HLA-DPB1: variants seen among roughly 807,000 people sequenced by gnomAD.
HLA-DPB1 encodes major histocompatibility complex, class II, DP beta 1, also known as HLA class II histocompatibility antigen, DP beta 1 chain.
A neutral mutation model predicts 29.4 loss-of-function variants in HLA-DPB1; 30 were observed. The observed-to-expected ratio is 1.02, with a 90% CI of 0.76 to 1.38. HLA-DPB1 has a LOEUF of 1.38. HLA-DPB1 is among the 40% of genes most tolerant of loss of function. HLA-DPB1 has a pLI of 0.00. For missense variants in HLA-DPB1, 261 were observed against 327.5 expected (o/e 0.80, Z 1.57); for synonymous variants, 114 against 134.0 (o/e 0.85, Z 1.03).
chr6:33,084,932 T>TTTC lies in HLA-DPB1; in HGVS notation c.365-14_365-12dup. ...CAATCTCAAATTCTATTTCATTATTTTTCTTCCACGCTCCTAGTCCAGCCT... is the reference window on the plus strand; with the variant it reads ...CAATCTCAAATTCTATTTCATTATTTTTCTTCTTCCACGCTCCTAGTCCAGCCT... On this transcript the variant is annotated splice_polypyrimidine_tract_variant and intron_variant, in intron 2 of 5. Coordinates refer to ENST00000418931, the MANE Select transcript of HLA-DPB1 (RefSeq NM_002121.6). 6.8e-7 allele frequency: 1 copy of TTTC among 1,464,004 alleles called. No individual in the cohort carries two copies. Among genetic ancestry groups the TTTC allele is most frequent in the Non-Finnish European group, 9.3e-7 (1 of 1,070,740 alleles). The allele number at this position is 1,464,004 out of a possible 1,614,324, so 90.7% of individuals were successfully genotyped here.
intron 2 of HLA-DPB1, among the ~76,000 whole-genome samples, chr6:33,082,798 A>T (rs780234312): frequency 6.6e-6 from 1 of 152,194 alleles, no homozygotes; most frequent in Non-Finnish European, 1.5e-5. Flanking sequence ...GCATTAGAGA[A>T]GGCAACTAGA....
intron 1 of HLA-DPB1, among the ~76,000 whole-genome samples, chr6:33,077,431 T>C (rs2213308): frequency 0.58 from 88,057 of 151,752 alleles, 27,647 homozygotes; most frequent in East Asian, 0.88. Flanking sequence ...TGGGTATATA[T>C]CCAGTAATGG....
chr6:33,087,420 C>T lies in HLA-DPB1; in HGVS notation c.*886C>T, dbSNP rs72500564. ...TTCAAACACTGGTCTTTTTTTTTTT[C>T]TTAACAATCCAACATTGTTATGTGT... On this transcript the variant is annotated 3_prime_UTR_variant, in exon 6 of 6. Transcript: ENST00000418931. 0.25 allele frequency among the ~76,000 whole-genome samples: 27,126 copies of T among 106,548 alleles called. 4,146 individuals carry two copies. Among genetic ancestry groups the T allele is most frequent in the African/African-American group, 0.49 (17,005 of 34,442 alleles). The allele number at this position is 106,548 out of a possible 152,430, so 69.9% of individuals were successfully genotyped here.
intron 5 of HLA-DPB1, 51 bp downstream of exon 5, chr6:33,086,293 A>G (rs1763098286): frequency 4.4e-6 from 6 of 1,370,470 alleles, no homozygotes; most frequent in Non-Finnish European, 6.2e-6. Flanking sequence ...GGAGGATATG[A>G]GTCCTTTCTG....
At position 33,080,272 on chromosome 6, in the gene HLA-DPB1, T is replaced by C. The variant is rs1762764778; in HGVS notation, c.101-400T>C. ...ACTGACATCAGGATGGAAATGTCAGTCAGGGAGTTAAGTAGGGGGAGCAGC... is the reference window on the plus strand; with the variant it reads ...ACTGACATCAGGATGGAAATGTCAGCCAGGGAGTTAAGTAGGGGGAGCAGC... On this transcript the variant is annotated intron_variant, in intron 1 of 5. Transcript: ENST00000418931. This position sits in a 1 kb window ranked among gnomAD's most constrained non-coding sequence, Gnocchi z 4.3. The C allele has an allele frequency of 5.3e-6, 2 of 374,844 alleles. No individual in the cohort carries two copies. Among genetic ancestry groups the C allele is most frequent in the African/African-American group, 4.2e-5 (2 of 47,234 alleles). 23.2% of individuals were successfully genotyped at this position (374,844 alleles called of 1,614,324 possible).
At position 33,080,799 on chromosome 6, in the gene HLA-DPB1, G is replaced by A. The variant is rs553686794; in HGVS notation, c.228G>A (p.Ala76=). 1.2e-6 allele frequency: 2 copies of A among 1,613,618 alleles called. No homozygotes were observed. The highest frequency in any genetic ancestry group is 1.7e-5 in the Admixed American group (1 of 59,982). ...RFDSDVGEFR[A]VTELGRPAAE... ...ACAGCGACGTGGGGGAGTTCCGGGC[G>A]GTGACGGAGCTGGGGCGGCCTGCTG... The change falls in exon 2 of 6, where the codon GCG becomes GCA. Residue 76 remains alanine, a synonymous_variant. Coordinates refer to ENST00000418931, the MANE Select transcript of HLA-DPB1 (RefSeq NM_002121.6). The surrounding 1 kb of genome is among the most constrained non-coding windows in gnomAD (Gnocchi z 4.3).
chr6:33,078,947 G>A (rs1398518139), intron 1 of HLA-DPB1, among the ~76,000 whole-genome samples: 3 of 152,142 alleles, frequency 2.0e-5, no homozygotes, highest in African/African-American at 4.8e-5. Flanking sequence ...GAGCTGGGGG[G>A]CTCTGGGCCT....
At chr6:33,078,975 G>C (rs3097670) in intron 1 of HLA-DPB1, among the ~76,000 whole-genome samples, 12,075 of 152,112 alleles carry the variant, frequency 0.079, 639 homozygotes, top group Non-Finnish European at 0.11. Flanking sequence ...TAGGGTCTGG[G>C]GCCCAAGGCA....
rs35824566 is a variant in HLA-DPB1, at chr6:33,089,304, C to G, written c.*2770C>G. On this transcript the variant is annotated 3_prime_UTR_variant, in exon 6 of 6. Transcript: ENST00000418931. ...TTGTCTCTCAGCTTCTCTGAAGTCT[C>G]ATTGAGCACCTTCTCTTCAATTTCT... 5.9e-3 allele frequency among the ~76,000 whole-genome samples: 898 copies of G among 152,314 alleles called. 2 individuals are homozygous for G. Among genetic ancestry groups the G allele is most frequent in the Non-Finnish European group, 7.0e-3 (479 of 68,034 alleles).
intron 2 of HLA-DPB1, among the ~76,000 whole-genome samples, chr6:33,083,352 C>T (rs1286220406): frequency 6.6e-6 from 1 of 152,206 alleles, no homozygotes; most frequent in Non-Finnish European, 1.5e-5. Flanking sequence ...TGAGACATTC[C>T]TCTTGATGAG....
At position 33,085,856 on chromosome 6, in the gene HLA-DPB1, G is replaced by A. The variant is rs1300434208; in HGVS notation, c.724G>A (p.Val242Met). 2.5e-6 allele frequency: 4 copies of A among 1,613,874 alleles called. No homozygotes were observed. In the South Asian group the frequency reaches 3.3e-5, roughly 13 times the overall value. ...CGTGCTGGGGCTCATCATCTGTGGA[G>A]TGGGCATCTTCATGCACAGGAGGAG... ...GFVLGLIICGVGIFMHRRSKK... is the reference protein window; with the variant it reads ...GFVLGLIICGMGIFMHRRSKK... Residue 242 changes from valine to methionine, a missense_variant, in exon 4 of 6, where the codon GTG (valine) becomes ATG (methionine). Val to Met is a conservative substitution (Grantham distance 21). Coordinates refer to ENST00000418931, the MANE Select transcript of HLA-DPB1 (RefSeq NM_002121.6).
intron 1 of HLA-DPB1, among the ~76,000 whole-genome samples, chr6:33,078,025 C>T (rs1359077830): frequency 1.3e-5 from 2 of 152,024 alleles, no homozygotes; most frequent in African/African-American, 4.8e-5. Context: ...GCACTGGTGA[C>T]ACTGAACAGT....
Position 33,085,188 on chromosome 6 carries a change from A to G in HLA-DPB1, c.603A>G (p.Gln201=), listed in dbSNP as rs1763042837. 6.2e-7 allele frequency: 1 copy of G among 1,612,452 alleles called. No homozygotes were observed. Among genetic ancestry groups the G allele is most frequent in the South Asian group, 1.1e-5 (1 of 91,050 alleles). Residue 201 remains glutamine, a synonymous_variant, in exon 3 of 6, where the codon CAA becomes CAG. Coordinates refer to ENST00000418931, the MANE Select transcript of HLA-DPB1 (RefSeq NM_002121.6). ...TPQQGDVYTC[Q]VEHTSLDSPV... Reference sequence around the variant, plus strand: ...AGCAGGGAGATGTCTACACCTGCCAAGTGGAGCACACCAGCCTGGATAGTC... The same window carrying G: ...AGCAGGGAGATGTCTACACCTGCCAGGTGGAGCACACCAGCCTGGATAGTC...
chr6:33,082,560 A>T (rs1762919896), intron 2 of HLA-DPB1, among the ~76,000 whole-genome samples: 1 of 152,182 alleles, frequency 6.6e-6, no homozygotes, highest in African/African-American at 2.4e-5. Flanking sequence ...AAGGTTGGAG[A>T]TGTGTCTTCA....
At chr6:33,083,289 T>C (rs571599445) in intron 2 of HLA-DPB1, among the ~76,000 whole-genome samples, 4 of 152,180 alleles carry the variant, frequency 2.6e-5, no homozygotes, top group Non-Finnish European at 4.4e-5. Flanking sequence ...ATTTGTGTTC[T>C]CCAGGAAGTA....
intron 2 of HLA-DPB1, among the ~76,000 whole-genome samples, chr6:33,083,265 C>T (rs751453734): frequency 2.0e-5 from 3 of 152,104 alleles, no homozygotes; most frequent in Non-Finnish European, 4.4e-5. Context: ...CCTGGCCCAG[C>T]GCCATGTTAG....
At position 33,088,707 on chromosome 6, in the gene HLA-DPB1, C is replaced by T. The variant is rs1376477676; in HGVS notation, c.*2173C>T. Among the ~76,000 whole-genome samples the T allele has an allele frequency of 2.0e-5, 3 of 152,066 alleles. No individual in the cohort carries two copies. Among genetic ancestry groups the T allele is most frequent in the Admixed American group, 2.0e-4 (3 of 15,280 alleles). On this transcript the variant is annotated 3_prime_UTR_variant, in exon 6 of 6. Transcript: ENST00000418931. Reference sequence around the variant, plus strand: ...GCCCTTTGCTGAGTGCTATGTGCAGCAGGATCAAAGGCAGCCAGGAGGTAG... The same window carrying T: ...GCCCTTTGCTGAGTGCTATGTGCAGTAGGATCAAAGGCAGCCAGGAGGTAG...
At position 33,089,474 on chromosome 6, in the gene HLA-DPB1, C is replaced by T. The variant is rs931690982; in HGVS notation, c.*2940C>T. 6.6e-6 allele frequency among the ~76,000 whole-genome samples: 1 copy of T among 152,188 alleles called. No individual in the cohort carries two copies. Among genetic ancestry groups the T allele is most frequent in the South Asian group, 2.1e-4 (1 of 4,834 alleles). On this transcript the variant is annotated 3_prime_UTR_variant, in exon 6 of 6. Coordinates refer to ENST00000418931, the MANE Select transcript of HLA-DPB1 (RefSeq NM_002121.6). ...AGGAAGTCAGGCTGACAGTCTTTCT[C>T]CTGCACATCTGCTCCCAGAACCTCC... is the stretch of plus-strand genomic sequence containing the variant.
chr6:33,081,791 T>A (rs373602722), intron 2 of HLA-DPB1, among the ~76,000 whole-genome samples: 1 of 151,976 alleles, frequency 6.6e-6, no homozygotes, highest in Non-Finnish European at 1.5e-5. Flanking sequence ...AGTGTCTCAG[T>A]TCATTCGTCT....
Sources: allele counts gnomAD v4.1 joint callset (sites outside exome capture counted in the v4.1 genomes callset), GRCh38; gene constraint gnomAD v4.1.1; non-coding constraint Gnocchi (gnomAD v3.1); transcripts MANE v1.5; gene names NCBI Gene and HGNC (gene_info 2026-07-23, HGNC 2026-07-21).